The following COL9A1 variants were observed in gnomAD, a reference collection of about 807,000 sequenced individuals.
COL9A1 encodes collagen alpha-1(IX) chain.
In COL9A1, 104 loss-of-function variants were observed where a neutral mutation model predicts 142.6. The ratio of observed to expected loss-of-function variants is 0.73; its 90% confidence interval spans 0.62 to 0.86. The LOEUF (loss-of-function observed/expected upper bound fraction) is 0.86. COL9A1 is among the 40% of genes least tolerant of loss of function. COL9A1 has a pLI of 0.00. For missense variants in COL9A1, 1,210 were observed against 1,176.6 expected, an observed-to-expected ratio of 1.03 and a Z score of -0.42; for synonymous variants, 466 against 396.0, an observed-to-expected ratio of 1.18 and a Z score of -2.10.
intron 36 of COL9A1, among the ~76,000 whole-genome samples, chr6:70,226,894 C>T (rs1769265398): frequency 6.6e-6 from 1 of 151,974 alleles, no homozygotes; most frequent in Non-Finnish European, 1.5e-5. Context: ...CACAAAAACT[C>T]CATAAAGAAA....
At chr6:70,254,772 GA>G (rs1771169264) in intron 24 of COL9A1, 190 bp downstream of exon 24, 8 of 700,918 alleles carry the variant, frequency 1.1e-5, no homozygotes, top group Non-Finnish European at 2.0e-5. Context: ...CTGAGTTCCT[GA>G]AACCAAGCAA....
chr6:70,249,393 A>G (rs1770794098), intron 28 of COL9A1, among the ~76,000 whole-genome samples: 1 of 152,128 alleles, frequency 6.6e-6, no homozygotes, highest in Non-Finnish European at 1.5e-5. Flanking sequence ...AGAGTTCTGG[A>G]AAACAAAGAA....
intron 14 of COL9A1, 27 bp from the exon 15 acceptor site, chr6:70,270,394 G>GT: frequency 1.2e-6 from 2 of 1,605,692 alleles, no homozygotes; most frequent in Non-Finnish European, 1.7e-6. Flanking sequence ...TTGCGACACA[G>GT]TGGTTATACA....
chr6:70,260,932 A>G (rs974351484), intron 19 of COL9A1: 9 of 461,370 alleles, frequency 2.0e-5, no homozygotes, highest in African/African-American at 1.6e-4. Context: ...CTTACACAAA[A>G]CTGGAGTTGA....
intron 35 of COL9A1, among the ~76,000 whole-genome samples, chr6:70,233,110 C>T (rs1769662458): frequency 1.3e-5 from 2 of 152,008 alleles, no homozygotes; most frequent in Non-Finnish European, 2.9e-5. Context: ...CACCTGAATC[C>T]CTGCTGGGTA....
chr6:70,254,476 T>C lies in COL9A1; in HGVS notation c.1719A>G (p.Pro573=), dbSNP rs1333709873. The C allele has an allele frequency of 6.2e-7, 1 of 1,614,068 alleles. No individual in the cohort carries two copies. The highest frequency in any genetic ancestry group is 2.2e-5 in the East Asian group (1 of 44,880). ...PPGDAGLQGL[P]GVPGIPGAKG... ...AACATGTAAAGAATCAAATACTTAC[T>C]GGTAACCCCTGCAATCCTGCATCAC... Residue 573 remains proline (P), a splice_region_variant and synonymous_variant, in exon 25 of 38, where the codon CCA becomes CCG. Coordinates refer to ENST00000357250, the MANE Select transcript of COL9A1 (RefSeq NM_001851.6).
chr6:70,280,871 G>A lies in COL9A1; in HGVS notation c.916C>T (p.Pro306Ser), dbSNP rs749748357. 1 of 1,613,562 alleles carries A rather than the reference G, an allele frequency of 6.2e-7. No individual in the cohort carries two copies. The highest frequency in any genetic ancestry group is 8.5e-7 in the Non-Finnish European group (1 of 1,179,902). ...CCTGGCTTTCCCGGTTCACCTGCAG[G>A]ACCCTGAGCAGGGGCAGAAGGGTGC... The part of the protein sequence containing the change: ...GPKGPPGPPG[P>S]AGEPGKPGAP... Residue 306 changes from proline to serine, a missense_variant, in exon 10 of 38, where the codon CCT becomes TCT. By Grantham distance (74) the Pro-to-Ser change is moderately conservative. Transcript: ENST00000357250.
At chr6:70,263,381 A>G (rs1430315630) in intron 18 of COL9A1, 84 bp from the exon 19 acceptor site, 8 of 1,202,312 alleles carry the variant, frequency 6.7e-6, no homozygotes, top group Non-Finnish European at 9.5e-6. Context: ...CTAACTCATT[A>G]TGTTTTAAGT....
chr6:70,283,940 G>A, intron 5 of COL9A1, 120 bp from the exon 6 acceptor site: 2 of 769,812 alleles, frequency 2.6e-6, no homozygotes, highest in Non-Finnish European at 2.3e-6. Context: ...AACTGGTTGA[G>A]CACACTGGAC....
At chr6:70,239,387 C>T in intron 32 of COL9A1, 101 bp from the exon 33 acceptor site, 1 of 846,054 alleles carries the variant, frequency 1.2e-6, no homozygotes, top group Non-Finnish European at 2.0e-6. Flanking sequence ...TACGGAAAAC[C>T]ATGAACAGAT....
At chr6:70,248,038 A>G (rs974517098) in intron 28 of COL9A1, among the ~76,000 whole-genome samples, 2 of 152,260 alleles carry the variant, frequency 1.3e-5, no homozygotes, top group Non-Finnish European at 2.9e-5. Context: ...ACTGAGGTAC[A>G]TCAGCATGAA....
Position 70,235,459 on chromosome 6 carries a change from T to A in COL9A1, c.2113-519A>T, listed in dbSNP as rs544644863. Among the ~76,000 whole-genome samples the A allele has an allele frequency of 2.0e-5, 3 of 151,712 alleles. No homozygotes were observed. The East Asian group carries it at 5.8e-4, about 29-fold the overall frequency. On this transcript the variant is annotated intron_variant, in intron 33 of 37. Transcript: ENST00000357250. The stretch of plus-strand genomic sequence containing the variant: ...CATAGTAAGACTCCGTCTCAAAAAT[T>A]ATAATAATAATAATAATAATCTTTC...
chr6:70,257,934 C>T (rs148629005), intron 20 of COL9A1, among the ~76,000 whole-genome samples: 323 of 152,148 alleles, frequency 2.1e-3, no homozygotes, highest in Admixed American at 3.6e-3. Flanking sequence ...CCTGAGCATA[C>T]CCTCTTCCAT....
intron 19 of COL9A1, 121 bp downstream of exon 19, chr6:70,263,123 A>C: frequency 2.7e-6 from 2 of 734,294 alleles, no homozygotes; most frequent in Non-Finnish European, 2.2e-6. Context: ...GGTGGAAAAT[A>C]GAGGACACCA....
At chr6:70,259,704 T>C (rs1238512576) in intron 20 of COL9A1, among the ~76,000 whole-genome samples, 2 of 152,148 alleles carry the variant, frequency 1.3e-5, no homozygotes, top group Non-Finnish European at 2.9e-5. Flanking sequence ...GGCTCTCAGA[T>C]TCATGTCTCT....
chr6:70,241,991 A>T lies in COL9A1; in HGVS notation c.1971T>A (p.Pro657=). ...SPGLPGLPGP[P]GLPGMKGDRG... is the part of the protein sequence containing the mutation. ...TGTCACCTTTCATTCCAGGAAGTCC[A>T]GGGGGCCCAGGCAAGCCAGGGAGGC... Residue 657 remains proline, a synonymous_variant, in exon 30 of 38, where the codon CCT becomes CCA. Transcript: ENST00000357250. 2 of 1,599,452 alleles carry T rather than the reference A, an allele frequency of 1.3e-6. No homozygotes were observed. Among genetic ancestry groups the T allele is most frequent in the Admixed American group, 1.7e-5 (1 of 58,972 alleles).
chr6:70,274,148 C>A, intron 11 of COL9A1, 66 bp from the exon 12 acceptor site: 2 of 1,293,996 alleles, frequency 1.5e-6, no homozygotes, highest in African/African-American at 1.5e-5. Context: ...GTGAAAACTG[C>A]ATAAATATTG....
rs1771958998 is a variant in COL9A1 at position 70,265,560 on chromosome 6, A to G, written c.1341+1157T>C. Reference sequence around the variant, plus strand: ...GCTCAGAATAACCCTAGCACATAGCAGGTACTTTATATTTGTCAAAACTTT... The same window carrying G: ...GCTCAGAATAACCCTAGCACATAGCGGGTACTTTATATTTGTCAAAACTTT... On this transcript the variant is annotated intron_variant, in intron 18 of 37. Transcript: ENST00000357250. Among the ~76,000 whole-genome samples, 3 of 149,944 alleles carry G rather than the reference A, an allele frequency of 2.0e-5. No individual in the cohort carries two copies. In the South Asian group the frequency reaches 6.3e-4, roughly 32 times the overall value.
At position 70,253,421 on chromosome 6, in the gene COL9A1, A is replaced by C. The variant is rs9346373; in HGVS notation, c.1728T>G (p.Pro576=). ...DAGLQGLPGV[P]GIPGAKGVAG... is the part of the protein sequence containing the mutation. The stretch of plus-strand genomic sequence containing the variant: ...CAACACCCTTTGCACCAGGAATTCC[A>C]GGTACACCCTAAAAGAATACATACA... Residue 576 remains proline (P), a synonymous_variant, in exon 26 of 38, where the codon CCT becomes CCG. Transcript: ENST00000357250. 0.12 allele frequency: 185,094 copies of C among 1,602,762 alleles called. 12,555 individuals are homozygous for C. Among genetic ancestry groups the C allele is most frequent in the African/African-American group, 0.28 (20,632 of 74,650 alleles).
Sources: allele counts gnomAD v4.1 joint callset (sites outside exome capture counted in the v4.1 genomes callset), GRCh38; gene constraint gnomAD v4.1.1; transcripts MANE v1.5; gene names NCBI Gene and HGNC (gene_info 2026-07-23, HGNC 2026-07-21).